The following CCDC158 variants were observed in gnomAD, a reference collection of about 807,000 sequenced individuals.
CCDC158 encodes coiled-coil domain-containing protein 158.
A neutral mutation model predicts 138.6 loss-of-function variants in CCDC158; 116 were observed. The ratio of observed to expected loss-of-function variants is 0.84; its 90% CI spans 0.72 to 0.98. The LOEUF (loss-of-function observed/expected upper bound fraction) is 0.98. CCDC158 is among the 50% of genes least tolerant of loss of function. CCDC158 has a pLI of 0.00. For synonymous variants in CCDC158, 436 were observed against 442.4 expected, an observed-to-expected ratio of 0.99 and a Z score of 0.18; for missense variants, 1,265 against 1,306.1, an observed-to-expected ratio of 0.97 and a Z score of 0.48.
intron 6 of CCDC158, 30 bp from the exon 7 acceptor site, chr4:76,383,768 T>A (rs1208224715): frequency 2.1e-5 from 31 of 1,486,472 alleles, no homozygotes; most frequent in Non-Finnish European, 2.9e-5. Context: ...ACTGATTTAG[T>A]TACTGGTAAA....
intron 18 of CCDC158, among the ~76,000 whole-genome samples, chr4:76,342,446 T>C (rs1168246685): frequency 2.6e-5 from 4 of 152,188 alleles, no homozygotes; most frequent in African/African-American, 9.6e-5. Context: ...TACCTCATGT[T>C]AAGTAGTTGT....
chr4:76,359,736 T>TA (rs1321867777), intron 13 of CCDC158, among the ~76,000 whole-genome samples: 1 of 152,126 alleles, frequency 6.6e-6, no homozygotes, highest in Non-Finnish European at 1.5e-5. Context: ...TCATTTGCAT[T>TA]AAAAAAGAAA....
intron 18 of CCDC158, among the ~76,000 whole-genome samples, chr4:76,342,452 G>A (rs1331823088): frequency 6.6e-6 from 1 of 152,326 alleles, no homozygotes; most frequent in East Asian, 1.9e-4. Context: ...ATGTTAAGTA[G>A]TTGTGGGAAA....
intron 21 of CCDC158, 70 bp from the exon 22 acceptor site, chr4:76,329,037 G>C: frequency 1.1e-5 from 14 of 1,242,298 alleles, no homozygotes; most frequent in Non-Finnish European, 1.7e-5. Flanking sequence ...ATAGATAGAA[G>C]CAAGTGAACA....
At chr4:76,331,766 G>A (rs148729560) in intron 20 of CCDC158, among the ~76,000 whole-genome samples, 231 of 152,236 alleles carry the variant, frequency 1.5e-3, no homozygotes, top group Non-Finnish European at 2.5e-3. Flanking sequence ...AGATTCGTGT[G>A]ACCACTCTGG....
At position 76,353,215 on chromosome 4, in the gene CCDC158, T is replaced by C. The variant is rs200350605; in HGVS notation, c.2353A>G (p.Lys785Glu). Residue 785 changes from lysine to glutamate, a missense_variant, in exon 16 of 25, where the codon AAA becomes GAA. Coordinates refer to ENST00000682701, the MANE Select transcript of CCDC158 (RefSeq NM_001394954.1). ...SQELSTVATEKNKMAGELEVL... is the reference protein window; with the variant it reads ...SQELSTVATEENKMAGELEVL... ...TCCAACTCCCCAGCCATCTTGTTTTTTTCTGTGGCAACAGTACTCAATTCC... is the reference window on the plus strand; with the variant it reads ...TCCAACTCCCCAGCCATCTTGTTTTCTTCTGTGGCAACAGTACTCAATTCC... The C allele has an allele frequency of 1.2e-4, 192 of 1,613,798 alleles. No individual in the cohort carries two copies. In the African/African-American group the frequency reaches 2.3e-3, roughly 19 times the overall value.
chr4:76,317,907 T>A (rs1344289587), intron 24 of CCDC158, among the ~76,000 whole-genome samples: 1 of 152,206 alleles, frequency 6.6e-6, no homozygotes. Context: ...TCTGGAATCA[T>A]CTTTGGATCA....
Position 76,355,310 on chromosome 4 carries a change from G to A in CCDC158, c.2286+14C>T. Reference sequence around the variant, plus strand: ...GAACATGTTGGTTTCCCCACTCTGAGGACAGCAACCCACCTTATTTGCATT... The same window carrying A: ...GAACATGTTGGTTTCCCCACTCTGAAGACAGCAACCCACCTTATTTGCATT... On this transcript the variant is annotated intron_variant, in intron 15 of 24. Transcript: ENST00000682701. The A allele has an allele frequency of 6.4e-7, 1 of 1,560,952 alleles. No homozygotes were observed. Among genetic ancestry groups the A allele is most frequent in the Non-Finnish European group, 8.8e-7 (1 of 1,131,720 alleles).
rs746054708 is a variant in CCDC158, at chr4:76,384,538, A to C, written c.398+18T>G. On this transcript the variant is annotated intron_variant, in intron 5 of 24. Transcript: ENST00000682701. ...TAATGAAAATATGTGACTTTAAAAT[A>C]ATTTCACAAATCCCAACCTGATGTC... 25 of 1,591,066 alleles carry C rather than the reference A, an allele frequency of 1.6e-5. No homozygotes were observed. The highest frequency in any genetic ancestry group is 2.1e-5 in the Non-Finnish European group (24 of 1,168,876).
At chr4:76,385,593 A>C (rs888255364) in intron 4 of CCDC158, among the ~76,000 whole-genome samples, 4 of 152,176 alleles carry the variant, frequency 2.6e-5, no homozygotes, top group Non-Finnish European at 5.9e-5. Flanking sequence ...AAAGTAGACA[A>C]ATTTTTGAAA....
chr4:76,321,205 C>T (rs1027351239), intron 24 of CCDC158, among the ~76,000 whole-genome samples: 6 of 152,092 alleles, frequency 3.9e-5, no homozygotes, highest in African/African-American at 1.4e-4. Context: ...ATCAAAACAA[C>T]AGTATGATAC....
intron 12 of CCDC158, among the ~76,000 whole-genome samples, chr4:76,364,481 T>C (rs1724460170): frequency 6.6e-6 from 1 of 152,242 alleles, no homozygotes; most frequent in African/African-American, 2.4e-5. Context: ...AAAGACTTTG[T>C]ATAAAAATAG....
At position 76,328,888 on chromosome 4, in the gene CCDC158, T is replaced by A; in HGVS notation, c.3010+12A>T. 6.2e-7 allele frequency: 1 copy of A among 1,611,670 alleles called. No individual in the cohort carries two copies. ...TGTAGGGCCTATTTCTGTGCTTTCATTGGAAACTCACCTGCAGATGTGAAT... is the reference window on the plus strand; with the variant it reads ...TGTAGGGCCTATTTCTGTGCTTTCAATGGAAACTCACCTGCAGATGTGAAT... On this transcript the variant is annotated intron_variant, in intron 22 of 24. Coordinates refer to ENST00000682701, the MANE Select transcript of CCDC158 (RefSeq NM_001394954.1).
At chr4:76,401,228 T>C (rs1674528290) in intron 3 of CCDC158, 2 of 372,464 alleles carry the variant, frequency 5.4e-6, no homozygotes, top group Admixed American at 5.8e-5. Flanking sequence ...ACAAACTTCT[T>C]CGCCAGTAGC....
intron 13 of CCDC158, among the ~76,000 whole-genome samples, chr4:76,359,080 G>GTGTA (rs1295787807): frequency 6.6e-6 from 1 of 151,722 alleles, no homozygotes; most frequent in Non-Finnish European, 1.5e-5. Context: ...GTTTGAAAGT[G>GTGTA]TGTAGCACCT....
At chr4:76,396,627 C>A in intron 3 of CCDC158, 141 bp from the exon 4 acceptor site, 1 of 606,116 alleles carries the variant, frequency 1.6e-6, no homozygotes, top group Non-Finnish European at 2.9e-6. Context: ...TCTCCTGCCT[C>A]AGCCTCCTGA....
intron 4 of CCDC158, 110 bp downstream of exon 4, chr4:76,396,159 T>A: frequency 1.5e-6 from 1 of 649,234 alleles, no homozygotes; most frequent in Non-Finnish European, 2.5e-6. Flanking sequence ...AATAAACCCA[T>A]TTGTTAGTTT....
chr4:76,396,110 C>T (rs1344848295), intron 4 of CCDC158, among the ~76,000 whole-genome samples, 159 bp downstream of exon 4: 5 of 151,906 alleles, frequency 3.3e-5, no homozygotes, highest in African/African-American at 7.2e-5. Context: ...ATTTTAATAC[C>T]GAAAATAGAA....
At chr4:76,410,969 G>C (rs13434576) in intron 2 of CCDC158, among the ~76,000 whole-genome samples, 4,460 of 152,264 alleles carry the variant, frequency 0.029, 219 homozygotes, top group African/African-American at 0.1. Flanking sequence ...AGGTAAAAGA[G>C]TGTATACCTC....
Sources: allele counts gnomAD v4.1 joint callset (sites outside exome capture counted in the v4.1 genomes callset), GRCh38; gene constraint gnomAD v4.1.1; transcripts MANE v1.5; gene names NCBI Gene and HGNC (gene_info 2026-07-23, HGNC 2026-07-21).